CLDN16: variants seen among roughly 807,000 people sequenced by gnomAD.
The protein encoded by CLDN16 is claudin 16.
CLDN16 carries 13 observed loss-of-function variants against 24.6 expected under a neutral mutation model. That is an observed-to-expected ratio of 0.53 (90% CI 0.34 to 0.84). The LOEUF (loss-of-function observed/expected upper bound fraction) is 0.84. Among genes scored for constraint, CLDN16 ranks in the 40% least tolerant of loss-of-function variants. The probability of loss-of-function intolerance (pLI) is 0.01; values close to 1 mark genes in which losing one functional copy is unlikely to be tolerated. For synonymous variants in CLDN16, 116 were observed against 106.7 expected (o/e 1.09, Z -0.54); for missense variants, 298 against 292.7 (o/e 1.02, Z -0.13).
upstream of CLDN16, among the ~76,000 whole-genome samples, chr3:190,384,867 T>A (rs561810230): frequency 9.2e-5 from 14 of 152,266 alleles, no homozygotes; most frequent in Non-Finnish European, 2.1e-4. Context: ...TATCTGAAAA[T>A]ATTTTGTAAA....
At chr3:190,356,855 A>G (rs1425102) in intron 1 of CLDN16, among the ~76,000 whole-genome samples, 15,595 of 151,956 alleles carry the variant, frequency 0.1, 1,079 homozygotes, top group African/African-American at 0.2. Context: ...TTTATTATTC[A>G]ATTATTAAAA....
chr3:190,293,160 G>A, the CLDN16 span, among the ~76,000 whole-genome samples: 1 of 152,216 alleles, frequency 6.6e-6, no homozygotes, highest in Non-Finnish European at 1.5e-5. Context: ...GGGGAAACAG[G>A]CATGTCTTAC....
Position 190,411,382 on chromosome 3 carries a change from C to G in CLDN16, c.*1346C>G, listed in dbSNP as rs1719283160. On this transcript the variant is annotated 3_prime_UTR_variant, in exon 5 of 5. Coordinates refer to ENST00000264734, the MANE Select transcript of CLDN16 (RefSeq NM_006580.4). ...CATTTCATTCATATTCATAATGTAA[C>G]CATCTTGAATTTTTTTAATTGTAGC... The G allele has an allele frequency of 6.6e-6, 1 of 151,856 alleles. No homozygotes were observed. The highest frequency in any genetic ancestry group is 1.5e-5 in the Non-Finnish European group (1 of 67,970). 9.4% of individuals were successfully genotyped at this position (151,856 alleles called of 1,614,324 possible). A position where few individuals can be genotyped will look rare whatever the true frequency, so the allele number is the denominator to read the frequency against.
chr3:190,388,444 G>A lies in CLDN16; in HGVS notation c.114+1G>A, dbSNP rs1718566191. 1 of 1,613,666 alleles carries A rather than the reference G, an allele frequency of 6.2e-7. No homozygotes were observed. On this transcript the variant is annotated splice_donor_variant, in intron 1 of 4. Coordinates refer to ENST00000264734, the MANE Select transcript of CLDN16 (RefSeq NM_006580.4). LOFTEE classifies it high-confidence loss of function. ...GGTGAATGCTGATGACTCTCTGGAG[G>A]TAAGAAGATAGCAGCTTCTTTTCAT...
chr3:190,398,035 C>T lies in CLDN16; in HGVS notation c.115-4302C>T, dbSNP rs138831202. ...TATACAGTAAGAAATTGTGGAGAGT[C>T]GCTGTCTGATTTACAGCACAGTGCC... On this transcript the variant is annotated intron_variant, in intron 1 of 4. Transcript: ENST00000264734. Among the ~76,000 whole-genome samples, 663 of 152,290 alleles carry T rather than the reference C, an allele frequency of 4.4e-3. 4 individuals are homozygous for T. Among genetic ancestry groups the T allele is most frequent in the Middle Eastern group, 0.02 (6 of 294 alleles).
the CLDN16 span, among the ~76,000 whole-genome samples, chr3:190,314,314 C>A: frequency 0.085 from 13,007 of 152,206 alleles, 1,084 homozygotes; most frequent in African/African-American, 0.22. Context: ...CTAAATATTT[C>A]TAAAACTTCA....
At chr3:190,364,832 T>G (rs532932455) in intron 1 of CLDN16, among the ~76,000 whole-genome samples, 1 of 151,840 alleles carries the variant, frequency 6.6e-6, no homozygotes, top group African/African-American at 2.4e-5. Context: ...CGTTGTCTTT[T>G]TTTTTTTCGA....
chr3:190,404,784 G>T lies in CLDN16; in HGVS notation c.240G>T (p.Ala80=), dbSNP rs373411163. The change falls in exon 3 of 5, where the codon GCG becomes GCT. Residue 80 remains alanine (A), a synonymous_variant. Transcript: ENST00000264734. The part of the protein sequence containing the change: ...EHPLKLVVTR[A]LMITADILAG... ...CAGTGAAGCTGGTGGTAACTCGAGC[G>T]TTGATGATTACTGCAGATATTCTAG... The T allele has an allele frequency of 4.1e-5, 66 of 1,614,110 alleles. 1 individual carries two copies. Among genetic ancestry groups the T allele is most frequent in the Non-Finnish European group, 4.7e-5 (56 of 1,180,016 alleles).
intron 3 of CLDN16, among the ~76,000 whole-genome samples, chr3:190,381,010 A>G (rs1376049151): frequency 6.6e-6 from 1 of 152,088 alleles, no homozygotes; most frequent in Non-Finnish European, 1.5e-5. Flanking sequence ...CCTAAGGAAT[A>G]CTAAGTATAA....
upstream of CLDN16, among the ~76,000 whole-genome samples, chr3:190,385,928 T>C (rs1346003410): frequency 6.6e-6 from 1 of 152,202 alleles, no homozygotes; most frequent in African/African-American, 2.4e-5. Context: ...CCCAATTTCC[T>C]GAATCCAAAT....
intron 1 of CLDN16, among the ~76,000 whole-genome samples, chr3:190,354,637 T>C (rs1264177176): frequency 3.9e-5 from 6 of 151,990 alleles, no homozygotes; most frequent in Admixed American, 3.9e-4. Flanking sequence ...GGCAAAATTT[T>C]GTTTTCATTG....
intron 1 of CLDN16, among the ~76,000 whole-genome samples, chr3:190,365,048 A>T (rs974261593): frequency 3.0e-4 from 46 of 151,764 alleles, no homozygotes; most frequent in African/African-American, 1.1e-3. Context: ...CTGTTTATCC[A>T]TCCTTAATTT....
chr3:190,344,437 C>A (rs1195045258), intron 1 of CLDN16, among the ~76,000 whole-genome samples: 1 of 151,542 alleles, frequency 6.6e-6, no homozygotes, highest in African/African-American at 2.4e-5. Flanking sequence ...TGTATATAAA[C>A]TGTTCTTAAT....
In CLDN16 at chr3:190,395,832, A is replaced by G. The variant is rs140299487; in HGVS notation, c.115-6505A>G. Among the ~76,000 whole-genome samples the G allele has an allele frequency of 5.9e-5, 9 of 152,262 alleles. No homozygotes were observed. In the East Asian group the frequency reaches 1.7e-3, roughly 29 times the overall value. On this transcript the variant is annotated intron_variant, in intron 1 of 4. Transcript: ENST00000264734. ...TAATCTTGATAGCGGTTAACCAACA[A>G]TAAACATTTACAAAATCTGCTGTGT... is the stretch of plus-strand genomic sequence containing the variant.
chr3:190,322,011 CTT>C (rs1488536344), upstream of CLDN16: 1 of 1,614,216 alleles, frequency 6.2e-7, no homozygotes, highest in Admixed American at 1.7e-5. Flanking sequence ...GAGTCAAAGA[CTT>C]TGCACTGGAT....
the CLDN16 span, among the ~76,000 whole-genome samples, chr3:190,297,293 T>C: frequency 1.3e-5 from 2 of 151,634 alleles, no homozygotes; most frequent in Middle Eastern, 3.4e-3. Context: ...AATATGGAAT[T>C]CTCAATGCTG....
At chr3:190,342,301 C>T (rs557328420) in intron 1 of CLDN16, among the ~76,000 whole-genome samples, 1 of 152,270 alleles carries the variant, frequency 6.6e-6, no homozygotes, top group East Asian at 1.9e-4. Flanking sequence ...TTCCACATGG[C>T]TGGGGATGCA....
intron 1 of CLDN16, among the ~76,000 whole-genome samples, chr3:190,333,980 A>T (rs1035514540): frequency 4.6e-5 from 7 of 152,118 alleles, no homozygotes; most frequent in African/African-American, 1.7e-4. Context: ...GGCATCTAAA[A>T]TTTGAGACAA....
upstream of CLDN16, among the ~76,000 whole-genome samples, chr3:190,383,206 G>A (rs545444407): frequency 5.9e-5 from 9 of 152,224 alleles, no homozygotes; most frequent in East Asian, 1.5e-3. Flanking sequence ...CCCAAGAAAG[G>A]AGTTAGAGTT....
Sources: gnomAD v4.1 joint callset for allele counts (sites outside exome capture counted in the v4.1 genomes callset) on GRCh38, gnomAD v4.1.1 for gene constraint, MANE v1.5 for transcripts, NCBI Gene and HGNC (gene_info 2026-07-23, HGNC 2026-07-21) for gene names.